The following MBOAT2 variants were observed in gnomAD, a reference collection of about 807,000 sequenced individuals.
MBOAT2 encodes membrane-bound glycerophospholipid O-acyltransferase 2.
Under a neutral mutation model 63.4 loss-of-function variants are expected in MBOAT2, and 28 were observed. The observed-to-expected ratio is 0.44, with a 90% CI of 0.33 to 0.61. The LOEUF is 0.61. Ranked by LOEUF, MBOAT2 falls within the 20% of genes least tolerant of loss-of-function variation. The probability of loss-of-function intolerance (pLI) is 0.03; values close to 1 mark genes in which losing one functional copy is unlikely to be tolerated. For synonymous variants in MBOAT2, 211 were observed against 215.6 expected, an observed-to-expected ratio of 0.98 and a Z score of 0.19; for missense variants, 470 against 605.8, an observed-to-expected ratio of 0.78 and a Z score of 2.35.
chr2:8,991,882 A>G (rs1294962454), intron 1 of MBOAT2, among the ~76,000 whole-genome samples: 2 of 152,232 alleles, frequency 1.3e-5, no homozygotes, highest in South Asian at 2.1e-4. Context: ...AAAAGTGAGT[A>G]GGGGCTTTCC....
At chr2:8,909,886 C>G (rs901894076) in intron 3 of MBOAT2, among the ~76,000 whole-genome samples, 6 of 152,184 alleles carry the variant, frequency 3.9e-5, no homozygotes, top group African/African-American at 1.4e-4. Flanking sequence ...AAAACAGTAT[C>G]TCCCATTTTA....
chr2:8,997,321 A>G (rs1672380082), intron 1 of MBOAT2, among the ~76,000 whole-genome samples: 1 of 152,162 alleles, frequency 6.6e-6, no homozygotes, highest in Non-Finnish European at 1.5e-5. Context: ...AACCGAGTTG[A>G]AGGAGATGAA....
intron 1 of MBOAT2, among the ~76,000 whole-genome samples, chr2:9,000,335 A>G (rs1032625991): frequency 4.6e-5 from 7 of 152,218 alleles, no homozygotes; most frequent in Non-Finnish European, 1.0e-4. Flanking sequence ...GATTTACATT[A>G]TAAAAATTTT....
intron 1 of MBOAT2, among the ~76,000 whole-genome samples, chr2:8,971,080 C>T (rs1670414088): frequency 6.6e-6 from 1 of 152,184 alleles, no homozygotes; most frequent in South Asian, 2.1e-4. Flanking sequence ...GACTTTTAGA[C>T]CAATATCCCT....
At chr2:8,937,915 C>G (rs1013511142) in intron 3 of MBOAT2, among the ~76,000 whole-genome samples, 1 of 152,104 alleles carries the variant, frequency 6.6e-6, no homozygotes. Context: ...GAGAGACAGA[C>G]CAAGACGTAA....
chr2:8,908,973 T>C (rs1011721513), intron 3 of MBOAT2, among the ~76,000 whole-genome samples: 1 of 152,204 alleles, frequency 6.6e-6, no homozygotes, highest in East Asian at 1.9e-4. Context: ...CTTTACATAT[T>C]TGAAATCAGG....
At chr2:8,953,753 G>A (rs1669006150) in intron 2 of MBOAT2, among the ~76,000 whole-genome samples, 1 of 152,190 alleles carries the variant, frequency 6.6e-6, no homozygotes, top group Non-Finnish European at 1.5e-5. Context: ...AAAATTCCTT[G>A]AGTGAGTTTT....
At chr2:8,981,779 G>A (rs1228181348) in intron 1 of MBOAT2, among the ~76,000 whole-genome samples, 2 of 152,052 alleles carry the variant, frequency 1.3e-5, no homozygotes, top group African/African-American at 4.8e-5. Flanking sequence ...AGCTGAAGTG[G>A]GTTTCTGTAA....
chr2:8,985,112 T>G (rs1354357851), intron 1 of MBOAT2, among the ~76,000 whole-genome samples: 1 of 152,204 alleles, frequency 6.6e-6, no homozygotes, highest in Non-Finnish European at 1.5e-5. Context: ...GTCTAGTTCC[T>G]TTTCTCAACG....
intron 4 of MBOAT2, among the ~76,000 whole-genome samples, chr2:8,899,837 T>C (rs1281194351): frequency 1.3e-5 from 2 of 152,256 alleles, no homozygotes; most frequent in Admixed American, 1.3e-4. Context: ...CTTTTCCTTT[T>C]GGGCCTGTTC....
chr2:8,909,575 C>CTTTT (rs1416656411), intron 3 of MBOAT2, among the ~76,000 whole-genome samples: 1 of 151,992 alleles, frequency 6.6e-6, no homozygotes, highest in Non-Finnish European at 1.5e-5. Context: ...AGAAAAAAAC[C>CTTTT]TTTAACTAAA....
At chr2:8,925,945 C>A (rs1329206483) in intron 3 of MBOAT2, among the ~76,000 whole-genome samples, 3 of 152,202 alleles carry the variant, frequency 2.0e-5, no homozygotes. Context: ...TTAATCTTCA[C>A]TACAATCTTA....
At chr2:8,876,852 CTTAT>C (rs1662734363) in intron 7 of MBOAT2, 174 bp downstream of exon 7, 1 of 542,294 alleles carries the variant, frequency 1.8e-6, no homozygotes, top group African/African-American at 2.0e-5. Context: ...CTCAAGTGAC[CTTAT>C]TTGTGTTCTT....
chr2:8,861,831 C>A (rs1233491900), intron 11 of MBOAT2, among the ~76,000 whole-genome samples: 1 of 152,130 alleles, frequency 6.6e-6, no homozygotes, highest in Non-Finnish European at 1.5e-5. Flanking sequence ...CACACATATA[C>A]ACCTTATCCC....
At chr2:9,002,746 T>C (rs1672792550) in intron 1 of MBOAT2, among the ~76,000 whole-genome samples, 1 of 152,180 alleles carries the variant, frequency 6.6e-6, no homozygotes, top group Non-Finnish European at 1.5e-5. Flanking sequence ...CAGTAATCGT[T>C]AGGCCCTTTA....
chr2:8,984,535 G>T (rs1475540479), intron 1 of MBOAT2, among the ~76,000 whole-genome samples: 3 of 152,088 alleles, frequency 2.0e-5, no homozygotes. Flanking sequence ...TTCCTTAAGT[G>T]GGAGCGCAAG....
chr2:8,873,341 C>T (rs772059685), intron 7 of MBOAT2, 41 bp from the exon 8 acceptor site: 1 of 1,582,552 alleles, frequency 6.3e-7, no homozygotes, highest in Non-Finnish European at 8.6e-7. Flanking sequence ...TTTATCCATG[C>T]TCCTTTTAAT....
Position 8,877,057 on chromosome 2 carries a change from CTG to C in MBOAT2, c.661_662del (p.Gln221ValfsTer2). The C allele has an allele frequency of 6.2e-7, 1 of 1,612,794 alleles. No individual in the cohort carries two copies. The highest frequency in any genetic ancestry group is 8.5e-7 in the Non-Finnish European group (1 of 1,179,544). On this transcript the variant is annotated frameshift_variant, in exon 7 of 13. Transcript: ENST00000305997. LOFTEE classifies it high-confidence loss of function. ...QSGENGKEETQYERTEPSPNT... is the reference protein window; with the variant it reads ...QSGENGKEETXYERTEPSPNT... The stretch of plus-strand genomic sequence containing the variant: ...TTGGAGATGGCTCTGTTCTTTCATA[CTG>C]TGTCTCTTCTTTTCCATTTTCACCA...
intron 1 of MBOAT2, among the ~76,000 whole-genome samples, chr2:8,999,493 A>C (rs529158882): frequency 6.6e-6 from 1 of 152,322 alleles, no homozygotes; most frequent in South Asian, 2.1e-4. Flanking sequence ...AAACACTCTA[A>C]AAAATAGGTT....
Sources: allele counts gnomAD v4.1 joint callset (sites outside exome capture counted in the v4.1 genomes callset), GRCh38; gene constraint gnomAD v4.1.1; transcripts MANE v1.5; gene names NCBI Gene and HGNC (gene_info 2026-07-23, HGNC 2026-07-21).